TOP2B: variants seen among roughly 807,000 people sequenced by gnomAD.
TOP2B encodes the protein DNA topoisomerase 2-beta.
Under a neutral mutation model 193.5 loss-of-function variants are expected in TOP2B, and 51 were observed. The observed-to-expected ratio is 0.26, with a 90% CI of 0.21 to 0.33. TOP2B has a LOEUF of 0.33. TOP2B is among the 10% of genes least tolerant of loss of function. The pLI, the probability that TOP2B is intolerant of heterozygous loss-of-function variation, is 1.00. For missense variants in TOP2B, 1,378 were observed against 1,909.3 expected, an observed-to-expected ratio of 0.72 and a Z score of 5.19; for synonymous variants, 634 against 635.7, an observed-to-expected ratio of 1.00 and a Z score of 0.04.
At position 25,617,152 on chromosome 3, in the gene TOP2B, T is replaced by C. The variant is rs564976668; in HGVS notation, c.3351+1266A>G. On this transcript the variant is annotated intron_variant, in intron 25 of 35. Transcript: ENST00000264331. ...AATTCTACTTCCACCAGAAGGACAT[T>C]CTGACACTGTAGAAATCTTTATCTT... 6.6e-4 allele frequency among the ~76,000 whole-genome samples: 100 copies of C among 152,164 alleles called. 1 individual carries two copies. Among genetic ancestry groups the C allele is most frequent in the African/African-American group, 2.2e-3 (92 of 41,548 alleles).
Position 25,624,313 on chromosome 3 carries a change from T to C in TOP2B, c.2479A>G (p.Ile827Val). The change falls in exon 20 of 36, where the codon ATT (isoleucine) becomes GTT (valine). Residue 827 changes from isoleucine (I) to valine (V), a missense_variant. By Grantham distance (29) the Ile-to-Val change is conservative. Coordinates refer to ENST00000264331, the MANE Select transcript of TOP2B (RefSeq NM_001330700.2). ...GGKDAASPRY[I>V]FTMLSTLARL... ...AATATTTACCTTAACATTGTGAAAA[T>C]ATAACGAGGGCTTGCAGCATCTTTG... The C allele has an allele frequency of 6.2e-7, 1 of 1,613,788 alleles. No homozygotes were observed. The highest frequency in any genetic ancestry group is 8.5e-7 in the Non-Finnish European group (1 of 1,179,800).
intron 1 of TOP2B, among the ~76,000 whole-genome samples, chr3:25,652,510 A>G (rs899540820): frequency 6.6e-6 from 1 of 152,252 alleles, no homozygotes; most frequent in Non-Finnish European, 1.5e-5. Flanking sequence ...CTAGAAATCA[A>G]TAGTAGAAGG....
At chr3:25,650,280 T>C (rs916998273) in intron 1 of TOP2B, among the ~76,000 whole-genome samples, 1 of 152,248 alleles carries the variant, frequency 6.6e-6, no homozygotes, top group Admixed American at 6.5e-5. Flanking sequence ...GCAGATGTTA[T>C]CGTTCTTTGG....
intron 28 of TOP2B, among the ~76,000 whole-genome samples, chr3:25,611,374 A>AC (rs1702365421): frequency 1.3e-5 from 2 of 152,182 alleles, no homozygotes; most frequent in African/African-American, 2.4e-5. Context: ...AGAACAGAAG[A>AC]GAAAGGCTAC....
At chr3:25,600,219 T>G (rs1702054056) in intron 34 of TOP2B, among the ~76,000 whole-genome samples, 2 of 152,188 alleles carry the variant, frequency 1.3e-5, no homozygotes, top group African/African-American at 4.8e-5. Context: ...AGGGGCCAGA[T>G]GTTCTCCATC....
rs2125373149 is a variant in TOP2B at position 25,626,758 on chromosome 3, T to G, written c.2109+14A>C. 5 of 1,592,450 alleles carry G rather than the reference T, an allele frequency of 3.1e-6. No individual in the cohort carries two copies. Among genetic ancestry groups the G allele is most frequent in the Non-Finnish European group, 4.3e-6 (5 of 1,165,008 alleles). The stretch of plus-strand genomic sequence containing the variant: ...TCTCCTTCTTTCCCCAGGTCACCAC[T>G]CTTTAAGACTAACCTCTGGTAAGCC... On this transcript the variant is annotated intron_variant, in intron 17 of 35. Transcript: ENST00000264331.
At chr3:25,606,149 G>A (rs1352844530) in intron 31 of TOP2B, 27 bp from the exon 32 acceptor site, 7 of 1,120,876 alleles carry the variant, frequency 6.2e-6, no homozygotes, top group Non-Finnish European at 8.8e-6. Flanking sequence ...AAACACCACA[G>A]AGGATACAAT....
Position 25,633,833 on chromosome 3 carries a change from T to C in TOP2B, c.1026+8A>G. The C allele has an allele frequency of 6.2e-7, 1 of 1,600,044 alleles. No individual in the cohort carries two copies. Among genetic ancestry groups the C allele is most frequent in the South Asian group, 1.1e-5 (1 of 88,814 alleles). ...ACTGACTTGGAAACAAATAATTTGC[T>C]TACTTACTTTTGTAGTTGCAATACT... On this transcript the variant is annotated splice_region_variant and intron_variant, in intron 8 of 35. Coordinates refer to ENST00000264331, the MANE Select transcript of TOP2B (RefSeq NM_001330700.2).
At chr3:25,639,628 T>C (rs969172605) in intron 4 of TOP2B, among the ~76,000 whole-genome samples, 4 of 152,206 alleles carry the variant, frequency 2.6e-5, no homozygotes, top group African/African-American at 9.6e-5. Context: ...TTTAATCAGA[T>C]AGACATCCAC....
intron 22 of TOP2B, 27 bp from the exon 23 acceptor site, chr3:25,620,089 C>A: frequency 7.5e-7 from 1 of 1,335,380 alleles, no homozygotes; most frequent in Non-Finnish European, 1.0e-6. Context: ...ATTAGTGATT[C>A]TTTTCATGAC....
At chr3:25,613,211 T>A (rs999500236) in intron 27 of TOP2B, among the ~76,000 whole-genome samples, 4 of 152,258 alleles carry the variant, frequency 2.6e-5, no homozygotes, top group Non-Finnish European at 5.9e-5. Flanking sequence ...GGCAGGTCTA[T>A]GTAATGATAA....
At chr3:25,634,082 C>G in intron 7 of TOP2B, 68 bp from the exon 8 acceptor site, 1 of 1,175,026 alleles carries the variant, frequency 8.5e-7, no homozygotes, top group Non-Finnish European at 1.2e-6. Flanking sequence ...GAATCACCTT[C>G]AGTACGTATA....
chr3:25,640,752 C>CTTTTTTTTTTTTTT (rs372465937), intron 4 of TOP2B, among the ~76,000 whole-genome samples: 1 of 106,992 alleles, frequency 9.3e-6, no homozygotes, highest in Non-Finnish European at 1.9e-5. Flanking sequence ...TCTTCGTTGT[C>CTTTTTTTTTTTTTT]TTTTTTTTTT....
rs563823856 is a variant in TOP2B, at chr3:25,653,667, C to T, written c.70-8197G>A. Among the ~76,000 whole-genome samples the T allele has an allele frequency of 5.6e-4, 85 of 152,134 alleles. 1 individual carries two copies. Among genetic ancestry groups the T allele is most frequent in the Admixed American group, 3.8e-3 (58 of 15,286 alleles). ...ATGGTCTTAAACTCCTGGCCGCAAG[C>T]GATTCTCCTGCATTGGCCTCCCAAA... is the stretch of plus-strand genomic sequence containing the variant. On this transcript the variant is annotated intron_variant, in intron 1 of 35. Coordinates refer to ENST00000264331, the MANE Select transcript of TOP2B (RefSeq NM_001330700.2).
At chr3:25,617,977 T>C (rs1702549869) in intron 25 of TOP2B, among the ~76,000 whole-genome samples, 1 of 152,202 alleles carries the variant, frequency 6.6e-6, no homozygotes, top group Non-Finnish European at 1.5e-5. Flanking sequence ...ATTAACATTT[T>C]GTCTCTTGTC....
At chr3:25,650,336 A>C (rs1414783692) in intron 1 of TOP2B, among the ~76,000 whole-genome samples, 2 of 152,126 alleles carry the variant, frequency 1.3e-5, no homozygotes, top group Non-Finnish European at 2.9e-5. Flanking sequence ...ATCCTAAAAA[A>C]CTGTTGCCAA....
chr3:25,651,712 C>T (rs1703595245), intron 1 of TOP2B, among the ~76,000 whole-genome samples: 1 of 151,690 alleles, frequency 6.6e-6, no homozygotes, highest in South Asian at 2.1e-4. Flanking sequence ...ACTAAAAATA[C>T]AAAAATTAGC....
At chr3:25,650,483 A>G (rs1703555320) in intron 1 of TOP2B, among the ~76,000 whole-genome samples, 1 of 152,220 alleles carries the variant, frequency 6.6e-6, no homozygotes, top group Non-Finnish European at 1.5e-5. Context: ...AATTATTTGA[A>G]GAAATGTGTC....
At chr3:25,647,016 G>A (rs1703432742) in intron 1 of TOP2B, among the ~76,000 whole-genome samples, 1 of 152,064 alleles carries the variant, frequency 6.6e-6, no homozygotes, top group Non-Finnish European at 1.5e-5. Context: ...ACTGCTCAAA[G>A]ACAATTAAAA....
Sources: allele counts gnomAD v4.1 joint callset (sites outside exome capture counted in the v4.1 genomes callset), GRCh38; gene constraint gnomAD v4.1.1; transcripts MANE v1.5; gene names NCBI Gene and HGNC (gene_info 2026-07-23, HGNC 2026-07-21).